GPC3: variants seen among roughly 807,000 people sequenced by gnomAD.
GPC3 encodes glypican-3.
GPC3 carries 3 observed loss-of-function variants against 34.4 expected under a neutral mutation model. The observed-to-expected ratio is 0.09, with a 90% CI of 0.04 to 0.23. The LOEUF (loss-of-function observed/expected upper bound fraction) is 0.23, where lower values mean the gene tolerates loss of function less well. GPC3 is among the 10% of genes least tolerant of loss of function. GPC3 has a pLI of 1.00. For synonymous variants in GPC3, 177 were observed against 174.0 expected (o/e 1.02, Z -0.13); for missense variants, 351 against 445.6 (o/e 0.79, Z 1.91).
At chrX:133,910,527 G>C (rs1418392272) in intron 2 of GPC3, among the ~76,000 whole-genome samples, 2 of 111,782 alleles carry the variant, frequency 1.8e-5, no homozygotes, top group South Asian at 3.8e-4. Flanking sequence ...GGAAATTTTG[G>C]ACTAAATGAT....
chrX:133,934,703 T>A (rs766628953), intron 2 of GPC3, among the ~76,000 whole-genome samples: 2 of 105,846 alleles, frequency 1.9e-5, no homozygotes, highest in South Asian at 8.7e-4. Context: ...TTTTTTTTTT[T>A]ATAGAGACGG....
intron 2 of GPC3, among the ~76,000 whole-genome samples, chrX:133,908,994 C>G: frequency 8.9e-6 from 1 of 112,237 alleles, no homozygotes; most frequent in Non-Finnish European, 1.9e-5. Context: ...CGCCACCCAG[C>G]TTTGCGATAT....
Position 133,682,797 on chromosome X carries a change from T to A in GPC3, c.1292+9572A>T, listed in dbSNP as rs762436769. 6.4e-5 allele frequency among the ~76,000 whole-genome samples: 7 copies of A among 109,868 alleles called. No individual in the cohort carries two copies. In the East Asian group the frequency reaches 2.0e-3, roughly 32 times the overall value. On this transcript the variant is annotated intron_variant, in intron 5 of 7. Transcript: ENST00000370818. ...GCCTGACCAACATGGTGAAACCCTG[T>A]CTCTACTAAAAATACAAAAATTGGC...
chrX:133,555,112 C>T (rs2069475512), intron 7 of GPC3, among the ~76,000 whole-genome samples: 1 of 111,959 alleles, frequency 8.9e-6, no homozygotes, highest in Admixed American at 9.4e-5. Context: ...TGCAGTGATG[C>T]AAACATAGCT....
At chrX:133,825,076 C>T (rs915075211) in intron 2 of GPC3, among the ~76,000 whole-genome samples, 6 of 111,370 alleles carry the variant, frequency 5.4e-5, no homozygotes, top group Non-Finnish European at 9.4e-5. Flanking sequence ...AGGCTGCTCT[C>T]GATCTCCTGA....
In GPC3 at chrX:133,753,728, G is replaced by A; in HGVS notation, c.786C>T (p.Cys262=). ...CGRMLTRMWY[C]SYCQGLMMVK... Reference sequence around the variant, plus strand: ...CCATCATCAGTCCCTGGCAGTAAGAGCAGTACCACATTCTGGTGAGCATTC... The same window carrying A: ...CCATCATCAGTCCCTGGCAGTAAGAACAGTACCACATTCTGGTGAGCATTC... Residue 262 remains cysteine (C), a synonymous_variant, in exon 3 of 8, where the codon TGC becomes TGT. Coordinates refer to ENST00000370818, the MANE Select transcript of GPC3 (RefSeq NM_004484.4). 8.3e-7 allele frequency: 1 copy of A among 1,211,077 alleles called. No homozygotes were observed. Among genetic ancestry groups the A allele is most frequent in the East Asian group, 3.0e-5 (1 of 33,849 alleles).
At chrX:133,838,621 C>T (rs1426141647) in intron 2 of GPC3, among the ~76,000 whole-genome samples, 1 of 112,437 alleles carries the variant, frequency 8.9e-6, no homozygotes, top group Non-Finnish European at 1.9e-5. Context: ...ATCCTTTATA[C>T]ATACTCCTGG....
intron 2 of GPC3, among the ~76,000 whole-genome samples, chrX:133,785,479 C>T (rs748006182): frequency 9.0e-6 from 1 of 111,463 alleles, no homozygotes; most frequent in African/African-American, 3.3e-5. Flanking sequence ...AATGAGAGAT[C>T]GATAAGTAGG....
chrX:133,816,486 T>C (rs771074372), intron 2 of GPC3, among the ~76,000 whole-genome samples: 1 of 112,386 alleles, frequency 8.9e-6, no homozygotes, highest in Admixed American at 9.5e-5. Flanking sequence ...TTGCTCTCAA[T>C]TTATTATCAT....
At chrX:133,896,945 C>T (rs12164433) in intron 2 of GPC3, among the ~76,000 whole-genome samples, 39 of 98,367 alleles carry the variant, frequency 4.0e-4, no homozygotes, top group African/African-American at 1.3e-3. Flanking sequence ...CTCGCTCTGT[C>T]GCCCAGGCTG....
chrX:133,964,483 A>G (rs779869379), intron 1 of GPC3, among the ~76,000 whole-genome samples: 1 of 112,162 alleles, frequency 8.9e-6, no homozygotes, highest in Non-Finnish European at 1.9e-5. Flanking sequence ...AAAAAAGTTC[A>G]ACAAGAATGA....
chrX:133,536,657 C>T (rs1453467581), intron 7 of GPC3, among the ~76,000 whole-genome samples: 1 of 110,595 alleles, frequency 9.0e-6, no homozygotes, highest in Non-Finnish European at 1.9e-5. Flanking sequence ...GGCATTTTCA[C>T]CAGATCTTAT....
chrX:133,626,963 C>T (rs1295261577), intron 6 of GPC3, among the ~76,000 whole-genome samples: 1 of 108,805 alleles, frequency 9.2e-6, no homozygotes, highest in African/African-American at 3.4e-5. Flanking sequence ...GGCACATATA[C>T]ACCATGTAAT....
At chrX:133,763,250 C>A (rs1831727217) in intron 2 of GPC3, 1 of 558,745 alleles carries the variant, frequency 1.8e-6, no homozygotes, top group Non-Finnish European at 3.2e-6. Flanking sequence ...CACACAGATT[C>A]TCCTCTGTGC....
Position 133,912,538 on chromosome X carries a change from G to C in GPC3, c.337+40512C>G, listed in dbSNP as rs765848474. On this transcript the variant is annotated intron_variant, in intron 2 of 7. Transcript: ENST00000370818. The stretch of plus-strand genomic sequence containing the variant: ...TTTTTTTTTTTTTTGGTGGGGGAAG[G>C]GGGGTGCGTGTTATTCCAAAGCAAT... Among the ~76,000 whole-genome samples, 20 of 107,711 alleles carry C rather than the reference G, an allele frequency of 1.9e-4. No homozygotes were observed. The South Asian group carries it at 8.5e-3, about 46-fold the overall frequency. 93.5% of individuals were successfully genotyped at this position (107,711 alleles called of 115,157 possible). A position where few individuals can be genotyped will look rare whatever the true frequency, so the allele number is the denominator to read the frequency against.
At chrX:133,874,980 T>A (rs1464387793) in intron 2 of GPC3, among the ~76,000 whole-genome samples, 2 of 112,109 alleles carry the variant, frequency 1.8e-5, no homozygotes, top group African/African-American at 6.5e-5. Flanking sequence ...AACAAGATAA[T>A]GTGTCAAGGA....
chrX:133,701,142 TCTTA>T (rs1298860824), intron 3 of GPC3, among the ~76,000 whole-genome samples: 5 of 111,666 alleles, frequency 4.5e-5, no homozygotes, highest in Admixed American at 2.9e-4. Context: ...GCATAATCTT[TCTTA>T]CTTAGCTCCA....
At chrX:133,903,614 CAAAT>C (rs2076155558) in intron 2 of GPC3, among the ~76,000 whole-genome samples, 1 of 111,847 alleles carries the variant, frequency 8.9e-6, no homozygotes, top group Admixed American at 9.5e-5. Flanking sequence ...AACAAACAAA[CAAAT>C]AAAATATAAA....
intron 2 of GPC3, among the ~76,000 whole-genome samples, chrX:133,915,464 G>A (rs999941606): frequency 8.9e-5 from 10 of 111,888 alleles, no homozygotes; most frequent in Non-Finnish European, 1.9e-4. Context: ...CGTGAGCCAC[G>A]GTGCCTGGTC....
Sources: allele counts gnomAD v4.1 joint callset (sites outside exome capture counted in the v4.1 genomes callset), GRCh38; gene constraint gnomAD v4.1.1; transcripts MANE v1.5; gene names NCBI Gene and HGNC (gene_info 2026-07-23, HGNC 2026-07-21).